The following XXYLT1 variants were observed in gnomAD, a reference collection of about 807,000 sequenced individuals.
The protein encoded by XXYLT1 is xyloside xylosyltransferase 1.
A neutral mutation model predicts 28.9 loss-of-function variants in XXYLT1; 20 were observed. That is an observed-to-expected ratio of 0.69 (90% CI 0.49 to 1.00). XXYLT1 has a LOEUF of 1.00. XXYLT1 is among the 50% of genes least tolerant of loss of function. The pLI, the probability that XXYLT1 is intolerant of heterozygous loss-of-function variation, is 0.00. For synonymous variants in XXYLT1, 257 were observed against 253.8 expected (o/e 1.01, Z -0.12); for missense variants, 542 against 560.1 (o/e 0.97, Z 0.33).
chr3:195,074,817 TA>T (rs1196963130), intron 3 of XXYLT1, among the ~76,000 whole-genome samples: 1 of 152,176 alleles, frequency 6.6e-6, no homozygotes, highest in Non-Finnish European at 1.5e-5. Flanking sequence ...CCTGGAGTTG[TA>T]GGACCACCAC....
intron 2 of XXYLT1, among the ~76,000 whole-genome samples, chr3:195,185,000 C>G (rs1410551184): frequency 6.6e-6 from 1 of 151,834 alleles, no homozygotes; most frequent in African/African-American, 2.4e-5. Context: ...GGGCCTGGCA[C>G]CCCTCATGCC....
chr3:195,089,975 A>G (rs1433570684), intron 3 of XXYLT1, among the ~76,000 whole-genome samples: 1 of 151,524 alleles, frequency 6.6e-6, no homozygotes, highest in Admixed American at 6.6e-5. Context: ...AAGAAGAGCT[A>G]ACTATCCTAA....
intron 3 of XXYLT1, among the ~76,000 whole-genome samples, chr3:195,137,908 C>T (rs541207908): frequency 1.3e-5 from 2 of 152,186 alleles, no homozygotes; most frequent in African/African-American, 2.4e-5. Context: ...ATCAGACACA[C>T]CCTTTCTGCC....
intron 2 of XXYLT1, among the ~76,000 whole-genome samples, chr3:195,169,058 G>C (rs933873505): frequency 3.3e-5 from 5 of 152,338 alleles, no homozygotes; most frequent in African/African-American, 9.6e-5. Flanking sequence ...GGCTTAGCAG[G>C]GTCTGATTGT....
intron 3 of XXYLT1, among the ~76,000 whole-genome samples, chr3:195,114,788 C>A (rs182980948): frequency 3.3e-5 from 5 of 152,336 alleles, no homozygotes; most frequent in Admixed American, 6.5e-5. Context: ...AAAAAGCAAT[C>A]GCTTTTGGAG....
rs367808342 is a variant in XXYLT1 at position 195,096,511 on chromosome 3, TAC to T, written c.786-26402_786-26401del. On this transcript the variant is annotated intron_variant, in intron 3 of 3. Transcript: ENST00000310380. The stretch of plus-strand genomic sequence containing the variant: ...CGCACATGCTGACAAACACACACGA[TAC>T]ACACACACACACGCATACATTTCCT... Among the ~76,000 whole-genome samples the T allele has an allele frequency of 9.4e-4, 143 of 151,736 alleles. No individual in the cohort carries two copies. The South Asian group carries it at 0.014, about 15-fold the overall frequency.
intron 1 of XXYLT1, chr3:195,260,144 G>A (rs1238091566): frequency 6.6e-6 from 1 of 151,698 alleles, no homozygotes; most frequent in Non-Finnish European, 1.5e-5. Flanking sequence ...CCTCAGGCTT[G>A]GGGGCTGCAG....
At chr3:195,169,265 G>C (rs1223285084) in intron 2 of XXYLT1, among the ~76,000 whole-genome samples, 1 of 152,360 alleles carries the variant, frequency 6.6e-6, no homozygotes, top group East Asian at 1.9e-4. Context: ...CGGCACGGCA[G>C]CCGGGTCCAA....
chr3:195,232,892 C>A (rs1724361004), intron 1 of XXYLT1, among the ~76,000 whole-genome samples: 1 of 152,156 alleles, frequency 6.6e-6, no homozygotes, highest in Non-Finnish European at 1.5e-5. Context: ...TCTATTAGGT[C>A]CATTTCGTCT....
rs955116865 is a variant in XXYLT1 at position 195,210,652 on chromosome 3, T to C, written c.652+16057A>G. 3.3e-5 allele frequency among the ~76,000 whole-genome samples: 5 copies of C among 152,246 alleles called. No individual in the cohort carries two copies. Among genetic ancestry groups the C allele is most frequent in the Non-Finnish European group, 7.3e-5 (5 of 68,042 alleles). ...CATTAAATTAGTAGAAAATGGTCTC[T>C]ACCACGTTACTATTTTTAGCATTTT... On this transcript the variant is annotated intron_variant, in intron 2 of 3. Transcript: ENST00000310380. The surrounding 1 kb of genome is among the most constrained non-coding windows in gnomAD (Gnocchi z 4.8).
At chr3:195,145,971 C>G (rs1426648661) in intron 3 of XXYLT1, among the ~76,000 whole-genome samples, 1 of 152,210 alleles carries the variant, frequency 6.6e-6, no homozygotes, top group Admixed American at 6.5e-5. Flanking sequence ...AAGAAGTCAC[C>G]TAAGGCAGGA....
chr3:195,173,053 C>G lies in XXYLT1; in HGVS notation c.653-16472G>C, dbSNP rs1721488531. ...AGCCCCCCGGGGCTGATCGACACCC[C>G]TACTTTCAAGACTTGGCACCTCTCC... On this transcript the variant is annotated intron_variant, in intron 2 of 3. Transcript: ENST00000310380. This position sits in a 1 kb window ranked among gnomAD's most constrained non-coding sequence, Gnocchi z 4.3. Among the ~76,000 whole-genome samples, 1 of 152,164 alleles carries G rather than the reference C, an allele frequency of 6.6e-6. No homozygotes were observed. The highest frequency in any genetic ancestry group is 1.5e-5 in the Non-Finnish European group (1 of 68,020).
intron 3 of XXYLT1, among the ~76,000 whole-genome samples, chr3:195,135,554 C>T (rs1463762507): frequency 3.9e-5 from 6 of 152,188 alleles, no homozygotes; most frequent in African/African-American, 9.7e-5. Context: ...CCCTGGAGAA[C>T]CCAGGCTGGC....
At chr3:195,260,467 G>T (rs950127559) in intron 1 of XXYLT1, among the ~76,000 whole-genome samples, 2 of 152,202 alleles carry the variant, frequency 1.3e-5, no homozygotes, top group African/African-American at 4.8e-5. Context: ...CCTCGGGCAC[G>T]GGGCACCTGG....
intron 2 of XXYLT1, among the ~76,000 whole-genome samples, chr3:195,186,901 T>G (rs964498399): frequency 4.0e-5 from 6 of 151,386 alleles, no homozygotes; most frequent in Non-Finnish European, 8.8e-5. Flanking sequence ...CTGAAGTTTT[T>G]TTTTTTTTTT....
intron 3 of XXYLT1, among the ~76,000 whole-genome samples, chr3:195,098,618 C>T (rs1226500319): frequency 1.3e-5 from 2 of 152,226 alleles, no homozygotes; most frequent in African/African-American, 2.4e-5. Context: ...CATAATCTCT[C>T]TTCACAGTGG....
chr3:195,205,591 G>A (rs1021921234), intron 2 of XXYLT1, among the ~76,000 whole-genome samples: 5 of 152,276 alleles, frequency 3.3e-5, no homozygotes, highest in East Asian at 3.9e-4. Context: ...GGCCGGGCAC[G>A]GTAGCTCATG....
At chr3:195,143,228 G>T (rs1217322174) in intron 3 of XXYLT1, among the ~76,000 whole-genome samples, 2 of 152,146 alleles carry the variant, frequency 1.3e-5, no homozygotes, top group Admixed American at 6.5e-5. Context: ...AAAACTCTAG[G>T]GGTCAGTTCC....
In XXYLT1 at chr3:195,240,400, C is replaced by T. The variant is rs1432945502; in HGVS notation, c.505-13544G>A. Among the ~76,000 whole-genome samples the T allele has an allele frequency of 6.6e-6, 1 of 152,216 alleles. No homozygotes were observed. The highest frequency in any genetic ancestry group is 1.5e-5 in the Non-Finnish European group (1 of 68,042). ...CTGAGATGCCTGAGAGCCAGGCCAC[C>T]GCTCCTCTAAACACTCCCTGGGGAC... On this transcript the variant is annotated intron_variant, in intron 1 of 3. Transcript: ENST00000310380. The surrounding 1 kb of genome is among the most constrained non-coding windows in gnomAD (Gnocchi z 4.7).
Sources: gnomAD v4.1 joint callset for allele counts (sites outside exome capture counted in the v4.1 genomes callset) on GRCh38, gnomAD v4.1.1 for gene constraint, Gnocchi (gnomAD v3.1) non-coding constraint, MANE v1.5 for transcripts, NCBI Gene and HGNC (gene_info 2026-07-23, HGNC 2026-07-21) for gene names.